Variants in CFAP61 observed in about 807,000 individuals in gnomAD.
CFAP61 encodes cilia and flagella associated protein 61.
CFAP61 carries 107 observed loss-of-function variants against 135.6 expected under a neutral mutation model. The observed-to-expected ratio is 0.79, with a 90% CI of 0.67 to 0.93. The LOEUF (loss-of-function observed/expected upper bound fraction) is 0.93, where lower values mean the gene tolerates loss of function less well. Ranked by LOEUF, CFAP61 falls within the 40% of genes least tolerant of loss-of-function variation. The pLI is 0.00. For missense variants in CFAP61, 1,507 were observed against 1,556.2 expected, an observed-to-expected ratio of 0.97 and a Z score of 0.53; for synonymous variants, 575 against 578.5, an observed-to-expected ratio of 0.99 and a Z score of 0.09.
intron 10 of CFAP61, among the ~76,000 whole-genome samples, chr20:20,162,331 G>A (rs1402142068): frequency 6.6e-6 from 1 of 152,082 alleles, no homozygotes; most frequent in Non-Finnish European, 1.5e-5. Context: ...CAGGTTGCAG[G>A]GACTAGTACC....
intron 4 of CFAP61, 29 bp downstream of exon 4, chr20:20,074,407 A>C: frequency 6.4e-7 from 1 of 1,569,262 alleles, no homozygotes; most frequent in East Asian, 2.2e-5. Context: ...GCAGTGGTGA[A>C]CATGAAAGAG....
chr20:20,305,520 A>AT (rs1281785005), intron 25 of CFAP61, among the ~76,000 whole-genome samples: 1 of 152,072 alleles, frequency 6.6e-6, no homozygotes, highest in Non-Finnish European at 1.5e-5. Flanking sequence ...CAGCTTCTCA[A>AT]TTTTTTGGTC....
intron 8 of CFAP61, among the ~76,000 whole-genome samples, chr20:20,131,365 A>C (rs909954741): frequency 6.6e-6 from 1 of 152,082 alleles, no homozygotes; most frequent in East Asian, 1.9e-4. Context: ...TTGGTAGTTC[A>C]TAATTTTTAT....
In CFAP61 at chr20:20,070,960, TGG is replaced by T. The variant is rs1408868679; in HGVS notation, c.252_253del (p.Trp84CysfsTer10). The T allele has an allele frequency of 6.2e-7, 1 of 1,614,220 alleles. No individual in the cohort carries two copies. Among genetic ancestry groups the T allele is most frequent in the Admixed American group, 1.7e-5 (1 of 60,022 alleles). The part of the protein sequence containing the change: ...PNWNVAKQDD[W>X]VSVFRELDSD... Reference sequence around the variant, plus strand: ...CTGGAATGTTGCCAAGCAGGATGACTGGGTGTCAGTGTTCCGGGAGCTCGACA... The same window carrying T: ...CTGGAATGTTGCCAAGCAGGATGACTGTGTCAGTGTTCCGGGAGCTCGACA... On this transcript the variant is annotated frameshift_variant, in exon 3 of 27. Coordinates refer to ENST00000245957, the MANE Select transcript of CFAP61 (RefSeq NM_015585.4). LOFTEE classifies it high-confidence loss of function.
At chr20:20,323,006 A>C (rs1033207360) in intron 25 of CFAP61, 1 of 985,446 alleles carries the variant, frequency 1.0e-6, no homozygotes, top group Admixed American at 6.1e-5. Context: ...ATAATGTCAG[A>C]TGGCCCTTCA....
intron 8 of CFAP61, among the ~76,000 whole-genome samples, chr20:20,119,873 A>C (rs1055093917): frequency 6.6e-6 from 1 of 152,014 alleles, no homozygotes; most frequent in Admixed American, 6.5e-5. Context: ...GCTCCCACTT[A>C]TGAGTGAGAA....
intron 25 of CFAP61, among the ~76,000 whole-genome samples, chr20:20,332,366 T>G (rs2058033286): frequency 6.6e-6 from 1 of 152,234 alleles, no homozygotes; most frequent in African/African-American, 2.4e-5. Context: ...AGAAGAAAAT[T>G]CAGCCTGCTT....
At chr20:20,078,892 C>G (rs1479495596) in intron 6 of CFAP61, among the ~76,000 whole-genome samples, 1 of 152,138 alleles carries the variant, frequency 6.6e-6, no homozygotes, top group Non-Finnish European at 1.5e-5. Context: ...TTGCCAGTAT[C>G]AGGAATGAAA....
At chr20:20,058,971 AT>A (rs1457322310) in intron 2 of CFAP61, among the ~76,000 whole-genome samples, 1 of 152,232 alleles carries the variant, frequency 6.6e-6, no homozygotes, top group East Asian at 1.9e-4. Context: ...CAGATATAAA[AT>A]TAAACAATGA....
chr20:20,206,954 A>C (rs2056882627), intron 17 of CFAP61, among the ~76,000 whole-genome samples: 1 of 152,238 alleles, frequency 6.6e-6, no homozygotes, highest in African/African-American at 2.4e-5. Flanking sequence ...GGTCAAATCA[A>C]GGCCATTGAA....
chr20:20,074,219 C>T, intron 3 of CFAP61, 83 bp from the exon 4 acceptor site: 1 of 1,057,540 alleles, frequency 9.5e-7, no homozygotes, highest in Non-Finnish European at 1.5e-6. Flanking sequence ...TCTGTGGATG[C>T]CCCGAAACCC....
chr20:20,293,582 A>C (rs1421956695), intron 24 of CFAP61, among the ~76,000 whole-genome samples: 1 of 152,258 alleles, frequency 6.6e-6, no homozygotes, highest in African/African-American at 2.4e-5. Flanking sequence ...ATATTTCGCC[A>C]GAGAAATTGA....
At chr20:20,246,304 T>C in intron 19 of CFAP61, 89 bp downstream of exon 19, 3 of 877,490 alleles carry the variant, frequency 3.4e-6, no homozygotes, top group Non-Finnish European at 5.7e-6. Context: ...GATTTCAGAT[T>C]GGAAAAGGAG....
Position 20,263,040 on chromosome 20 carries a change from A to G in CFAP61, c.2413A>G (p.Lys805Glu), listed in dbSNP as rs201270149. 6 of 1,613,996 alleles carry G rather than the reference A, an allele frequency of 3.7e-6. No homozygotes were observed. In the Admixed American group the frequency reaches 8.3e-5, roughly 22 times the overall value. The change falls in exon 21 of 27, where the codon AAA becomes GAA. Residue 805 changes from lysine to glutamate, a missense_variant. Coordinates refer to ENST00000245957, the MANE Select transcript of CFAP61 (RefSeq NM_015585.4). ...CAGCAGTCAGCGGCGGTACACGGGG[A>G]AAGTTCCTTGCAACCATTTCACTCT... ...PNSSQRRYTG[K>E]VPCNHFTLNE...
chr20:20,337,263 A>G (rs2058230983), intron 25 of CFAP61, among the ~76,000 whole-genome samples: 2 of 132,894 alleles, frequency 1.5e-5, no homozygotes, highest in African/African-American at 2.8e-5. Context: ...ATGGATGGAC[A>G]GAATGGGTGG....
At position 20,091,255 on chromosome 20, in the gene CFAP61, G is replaced by T. The variant is rs78059703; in HGVS notation, c.699+279G>T. ...AATGGAAAAGACCCCCCAGGGGTGC[G>T]TAGGGGGATTTCTGAGGATCCCCAA... On this transcript the variant is annotated intron_variant, in intron 7 of 26. Transcript: ENST00000245957. Among the ~76,000 whole-genome samples the T allele has an allele frequency of 3.1e-3, 470 of 152,324 alleles. 3 individuals are homozygous for T. Among genetic ancestry groups the T allele is most frequent in the Non-Finnish European group, 5.0e-3 (337 of 68,040 alleles).
intron 18 of CFAP61, among the ~76,000 whole-genome samples, chr20:20,241,581 A>C (rs1300177734): frequency 6.6e-6 from 1 of 152,210 alleles, no homozygotes; most frequent in Non-Finnish European, 1.5e-5. Flanking sequence ...CATCTGATCC[A>C]TGTTGTTCGA....
chr20:20,274,332 A>G (rs1316168017), intron 21 of CFAP61, among the ~76,000 whole-genome samples: 1 of 152,236 alleles, frequency 6.6e-6, no homozygotes, highest in Admixed American at 6.5e-5. Flanking sequence ...AAGATTATGA[A>G]AAGAATAACC....
intron 6 of CFAP61, among the ~76,000 whole-genome samples, chr20:20,077,494 CTG>C (rs1316116597): frequency 5.3e-5 from 8 of 152,304 alleles, no homozygotes; most frequent in Admixed American, 3.9e-4. Context: ...GAGTCAGACT[CTG>C]TAAAATGTTT....
Sources: allele counts gnomAD v4.1 joint callset (sites outside exome capture counted in the v4.1 genomes callset), GRCh38; gene constraint gnomAD v4.1.1; transcripts MANE v1.5; gene names NCBI Gene and HGNC (gene_info 2026-07-23, HGNC 2026-07-21).